The following FDFT1 variants were observed in gnomAD, a reference collection of about 807,000 sequenced individuals.
FDFT1 encodes the protein squalene synthase.
Under a neutral mutation model 46.8 loss-of-function variants are expected in FDFT1, and 68 were observed. That is an observed-to-expected ratio of 1.45 (90% confidence interval 1.19 to 1.78). The LOEUF (loss-of-function observed/expected upper bound fraction) is 1.78, where lower values mean the gene tolerates loss of function less well. Ranked by LOEUF, FDFT1 falls within the 40% of genes most tolerant of loss-of-function variation. FDFT1 has a pLI of 0.00. For synonymous variants in FDFT1, 351 were observed against 185.1 expected, an observed-to-expected ratio of 1.90 and a Z score of -7.28; for missense variants, 928 against 524.4, an observed-to-expected ratio of 1.77 and a Z score of -7.52.
At chr8:11,828,061 G>T (rs1029626543) in intron 5 of FDFT1, among the ~76,000 whole-genome samples, 2 of 152,080 alleles carry the variant, frequency 1.3e-5, no homozygotes, top group Non-Finnish European at 2.9e-5. Context: ...AATTAGCCAA[G>T]TGTGGTGGCA....
At chr8:11,812,492 A>C (rs962038095) in intron 3 of FDFT1, among the ~76,000 whole-genome samples, 2 of 152,172 alleles carry the variant, frequency 1.3e-5, no homozygotes, top group African/African-American at 4.8e-5. Flanking sequence ...AGAGCCTGGG[A>C]TATGGGGATC....
intron 5 of FDFT1, among the ~76,000 whole-genome samples, chr8:11,829,264 A>C (rs1810437797): frequency 6.6e-6 from 1 of 152,222 alleles, no homozygotes; most frequent in African/African-American, 2.4e-5. Context: ...CAGTGGCATT[A>C]AGTACATTAA....
chr8:11,826,060 C>T lies in FDFT1; in HGVS notation c.547C>T (p.Leu183Phe), dbSNP rs1359519322. The change falls in exon 5 of 8, where the codon CTT becomes TTT. Residue 183 changes from leucine to phenylalanine, a missense_variant. Leu to Phe is a conservative substitution (Grantham distance 22). Transcript: ENST00000220584. ...HYVAGLVGIG[L>F]SRLFSASEFE... ...TGTTGCTGGGCTGGTCGGAATTGGCCTTTCCCGTCTTTTCTCAGCCTCAGA... is the reference window on the plus strand; with the variant it reads ...TGTTGCTGGGCTGGTCGGAATTGGCTTTTCCCGTCTTTTCTCAGCCTCAGA... 5 of 1,603,918 alleles carry T rather than the reference C, an allele frequency of 3.1e-6. No individual in the cohort carries two copies. The highest frequency in any genetic ancestry group is 4.3e-6 in the Non-Finnish European group (5 of 1,172,200).
At chr8:11,820,206 C>A (rs1010443405) in intron 3 of FDFT1, among the ~76,000 whole-genome samples, 3 of 152,136 alleles carry the variant, frequency 2.0e-5, no homozygotes, top group Non-Finnish European at 4.4e-5. Flanking sequence ...CCTGATCCTT[C>A]CTCTGGAAGC....
At chr8:11,834,483 A>G (rs1198420873) in intron 7 of FDFT1, among the ~76,000 whole-genome samples, 1 of 152,154 alleles carries the variant, frequency 6.6e-6, no homozygotes, top group Admixed American at 6.5e-5. Flanking sequence ...AAGTCAGAGA[A>G]TCATCCGGCT....
intron 1 of FDFT1, among the ~76,000 whole-genome samples, chr8:11,805,690 A>G (rs1563295779): frequency 6.6e-6 from 1 of 152,266 alleles, no homozygotes; most frequent in Non-Finnish European, 1.5e-5. Context: ...ACTTGGCAGC[A>G]AAACCTGACT....
chr8:11,833,706 T>A (rs981165754), intron 7 of FDFT1, among the ~76,000 whole-genome samples: 7 of 152,178 alleles, frequency 4.6e-5, no homozygotes, highest in Non-Finnish European at 8.8e-5. Flanking sequence ...TTGTCTTCTG[T>A]GGCTGCTTTT....
upstream of FDFT1, chr8:11,802,323 C>T (rs1465235579): frequency 4.9e-6 from 2 of 404,918 alleles, no homozygotes; most frequent in South Asian, 1.7e-5. Context: ...GACACGTGGG[C>T]GACTTATTGA....
At chr8:11,824,458 C>T (rs1023647954) in intron 4 of FDFT1, among the ~76,000 whole-genome samples, 10 of 152,208 alleles carry the variant, frequency 6.6e-5, no homozygotes, top group Admixed American at 2.6e-4. Context: ...ACACTTAAGT[C>T]ATACTACCTA....
At chr8:11,820,895 G>A (rs6601612) in intron 3 of FDFT1, among the ~76,000 whole-genome samples, 77,884 of 152,060 alleles carry the variant, frequency 0.51, 21,937 homozygotes, top group East Asian at 0.77. Context: ...ACCAGTGCCA[G>A]TGAGATGAAC....
chr8:11,826,252 T>G, intron 5 of FDFT1, 37 bp downstream of exon 5: 2 of 1,412,308 alleles, frequency 1.4e-6, no homozygotes, highest in Non-Finnish European at 1.9e-6. Context: ...AAAATAACTT[T>G]AGACATTCTC....
intron 7 of FDFT1, among the ~76,000 whole-genome samples, chr8:11,834,986 T>TG (rs1170929944): frequency 6.6e-6 from 1 of 152,120 alleles, no homozygotes; most frequent in Non-Finnish European, 1.5e-5. Flanking sequence ...TAGCCAGGTG[T>TG]GGTGGTGCAC....
chr8:11,802,712 A>T (rs577457254), upstream of FDFT1: 2 of 757,628 alleles, frequency 2.6e-6, no homozygotes, highest in Non-Finnish European at 4.4e-6. Context: ...TCGCCGTACT[A>T]GGCCTGCCCC....
intron 1 of FDFT1, among the ~76,000 whole-genome samples, chr8:11,806,575 AG>A (rs892692342): frequency 5.9e-5 from 9 of 152,086 alleles, no homozygotes; most frequent in African/African-American, 2.2e-4. Flanking sequence ...GTTTAAATCT[AG>A]GGGGACCGTG....
intron 5 of FDFT1, among the ~76,000 whole-genome samples, chr8:11,828,675 C>T (rs938968493): frequency 3.3e-5 from 5 of 152,224 alleles, no homozygotes; most frequent in African/African-American, 9.7e-5. Context: ...TTCTACCACA[C>T]GGTGGTGGTG....
chr8:11,824,000 C>T (rs1399379849), intron 4 of FDFT1, among the ~76,000 whole-genome samples: 1 of 152,066 alleles, frequency 6.6e-6, no homozygotes, highest in Non-Finnish European at 1.5e-5. Context: ...CCTGCCTTAG[C>T]CTCCCAGGTG....
Position 11,815,207 on chromosome 8 carries a change from T to C in FDFT1, c.381+5357T>C, listed in dbSNP as rs190619533. 6.4e-4 allele frequency among the ~76,000 whole-genome samples: 98 copies of C among 152,348 alleles called. 1 individual carries two copies. The highest frequency in any genetic ancestry group is 2.1e-3 in the African/African-American group (87 of 41,578). ...TGCAAAGGACATGAACTCATCCTTT[T>C]TTTATGGCTGTGTAGTATTCCATGG... On this transcript the variant is annotated intron_variant, in intron 3 of 7. Transcript: ENST00000220584.
At chr8:11,809,243 A>G in intron 2 of FDFT1, 1 of 1,146,516 alleles carries the variant, frequency 8.7e-7, no homozygotes. Context: ...GATTCTTTTG[A>G]AGCTGCCTCT....
At chr8:11,816,458 C>A (rs188707301) in intron 3 of FDFT1, among the ~76,000 whole-genome samples, 5 of 152,276 alleles carry the variant, frequency 3.3e-5, no homozygotes, top group Non-Finnish European at 7.3e-5. Context: ...TTACCTTGGG[C>A]AGTATAGCCA....
Sources: allele counts gnomAD v4.1 joint callset (sites outside exome capture counted in the v4.1 genomes callset), GRCh38; gene constraint gnomAD v4.1.1; transcripts MANE v1.5; gene names NCBI Gene and HGNC (gene_info 2026-07-23, HGNC 2026-07-21).